ZFHX4: variants seen among roughly 807,000 people sequenced by gnomAD.
The protein encoded by ZFHX4 is zinc finger homeobox 4, also known as zinc finger homeobox protein 4.
In ZFHX4, 56 loss-of-function variants were observed where a neutral mutation model predicts 267.6. The ratio of observed to expected loss-of-function variants is 0.21; its 90% CI spans 0.17 to 0.26. The LOEUF is 0.26. ZFHX4 is among the 10% of genes least tolerant of loss of function. The probability of loss-of-function intolerance (pLI) is 1.00; values close to 1 mark genes in which losing one functional copy is unlikely to be tolerated. For synonymous variants in ZFHX4, 1,778 were observed against 1,665.6 expected (o/e 1.07, Z -1.64); for missense variants, 4,332 against 4,420.0 (o/e 0.98, Z 0.56).
intron 4 of ZFHX4, among the ~76,000 whole-genome samples, chr8:76,812,856 A>T (rs984507091): frequency 7.9e-5 from 12 of 151,062 alleles, no homozygotes; most frequent in East Asian, 1.9e-4. Flanking sequence ...ATAGTTTTTT[A>T]AAAAAATGTA....
chr8:76,742,999 C>G (rs1351999329), intron 3 of ZFHX4, among the ~76,000 whole-genome samples: 1 of 152,178 alleles, frequency 6.6e-6, no homozygotes, highest in Non-Finnish European at 1.5e-5. Context: ...AAGATGATTT[C>G]TTCAAGGACT....
intron 3 of ZFHX4, among the ~76,000 whole-genome samples, chr8:76,750,131 G>A (rs947253729): frequency 6.6e-6 from 1 of 152,112 alleles, no homozygotes; most frequent in Non-Finnish European, 1.5e-5. Flanking sequence ...CAGAGATGCT[G>A]ACCTGTTAGT....
intron 4 of ZFHX4, among the ~76,000 whole-genome samples, chr8:76,833,087 C>A (rs1008298600): frequency 2.0e-5 from 3 of 152,098 alleles, no homozygotes; most frequent in Middle Eastern, 3.2e-3. Context: ...CTTTCCTGCT[C>A]CCATATTTTC....
At chr8:76,834,657 G>A (rs532756129) in intron 5 of ZFHX4, among the ~76,000 whole-genome samples, 2 of 152,150 alleles carry the variant, frequency 1.3e-5, no homozygotes, top group East Asian at 3.9e-4. Context: ...GTCTTTATCA[G>A]ATATGTATTT....
At chr8:76,794,881 G>A (rs1320814905) in intron 4 of ZFHX4, among the ~76,000 whole-genome samples, 1 of 151,510 alleles carries the variant, frequency 6.6e-6, no homozygotes. Flanking sequence ...CATTGTGTGT[G>A]TGTGTGTGTG....
intron 5 of ZFHX4, 66 bp from the exon 6 acceptor site, chr8:76,842,589 A>G: frequency 8.7e-7 from 1 of 1,143,562 alleles, no homozygotes; most frequent in Non-Finnish European, 1.2e-6. Flanking sequence ...GTGGCCACCT[A>G]GTTTATTTCA....
intron 10 of ZFHX4, among the ~76,000 whole-genome samples, chr8:76,857,833 T>G (rs1812772380): frequency 6.8e-6 from 1 of 147,114 alleles, no homozygotes; most frequent in Admixed American, 6.8e-5. Flanking sequence ...AATAATGCAA[T>G]GACAGATTTT....
rs1201275708 is a variant in ZFHX4 at position 76,850,781 on chromosome 8, T to C, written c.3965-105T>C. ...GCTCAGTAAACATTTATTCAAACAATTAATTAAGCAGAAGCCTTTAGAGGC... is the reference window on the plus strand; with the variant it reads ...GCTCAGTAAACATTTATTCAAACAACTAATTAAGCAGAAGCCTTTAGAGGC... On this transcript the variant is annotated intron_variant, in intron 9 of 10. Transcript: ENST00000651372. 2.3e-6 allele frequency: 3 copies of C among 1,293,058 alleles called. No homozygotes were observed. In the African/African-American group the frequency reaches 4.5e-5, roughly 19 times the overall value. The allele number at this position is 1,293,058 out of a possible 1,614,324, so 80.1% of individuals were successfully genotyped here.
chr8:76,769,771 A>C, intron 3 of ZFHX4, among the ~76,000 whole-genome samples: 1 of 152,140 alleles, frequency 6.6e-6, no homozygotes, highest in East Asian at 1.9e-4. Context: ...ACTGACGATA[A>C]GTGCATAGAG....
In ZFHX4 at chr8:76,863,428, C is replaced by A. The variant is rs370139182; in HGVS notation, c.9714C>A (p.Val3238=). The change falls in exon 11 of 11, where the codon GTC becomes GTA. Residue 3238 remains valine (V), a synonymous_variant. Coordinates refer to ENST00000651372, the MANE Select transcript of ZFHX4 (RefSeq NM_024721.5). The part of the protein sequence containing the change: ...VLGKVVGETH[V]DPIQLQALQN... ...GCAAAGTTGTAGGTGAAACACATGT[C>A]GATCCTATTCAGTTGCAGGCATTAC... 2.0e-5 allele frequency: 33 copies of A among 1,613,824 alleles called. No individual in the cohort carries two copies. The highest frequency in any genetic ancestry group is 2.7e-5 in the Non-Finnish European group (32 of 1,179,866).
rs974525410 is a variant in ZFHX4, at chr8:76,767,244, T to C, written c.3094-10964T>C. On this transcript the variant is annotated intron_variant, in intron 3 of 10. Transcript: ENST00000651372. ...GTAAAATAGAGATTGAGATAGGTGG[T>C]ATAAAAGCGCTTTAAACCACCTTGC... Among the ~76,000 whole-genome samples, 5 of 152,266 alleles carry C rather than the reference T, an allele frequency of 3.3e-5. No homozygotes were observed. The South Asian group carries it at 8.3e-4, about 25-fold the overall frequency.
chr8:76,802,312 C>A (rs1418336592), intron 4 of ZFHX4, among the ~76,000 whole-genome samples: 1 of 152,000 alleles, frequency 6.6e-6, no homozygotes, highest in African/African-American at 2.4e-5. Context: ...TTCAATACAC[C>A]GTATAAAGAG....
chr8:76,752,948 G>T (rs774615252), intron 3 of ZFHX4, among the ~76,000 whole-genome samples: 2 of 152,262 alleles, frequency 1.3e-5, no homozygotes, highest in African/African-American at 4.8e-5. Context: ...ACTTGAAAAG[G>T]TTCTGGGTTT....
At chr8:76,808,975 C>G (rs1811311133) in intron 4 of ZFHX4, among the ~76,000 whole-genome samples, 1 of 151,048 alleles carries the variant, frequency 6.6e-6, no homozygotes, top group South Asian at 2.1e-4. Flanking sequence ...CCTTATTTTC[C>G]TTTAATACCA....
Position 76,852,323 on chromosome 8 carries a change from A to T in ZFHX4, c.5402A>T (p.Gln1801Leu). The change falls in exon 10 of 11, where the codon CAA (glutamine) becomes CTA (leucine). Residue 1801 changes from glutamine (Q) to leucine (L), a missense_variant. Gln to Leu is a moderately radical substitution (Grantham distance 113). Around this residue, in one of 7 missense-constraint regions of ZFHX4, gnomAD observed 1,371 missense variants for 1,423.1 expected, o/e 0.96. Transcript: ENST00000651372. Reference sequence around the variant, plus strand: ...CTCCAGATACTACAGCAACAAGCACAACAATACCAAGCCACACAGCCCCAG... The same window carrying T: ...CTCCAGATACTACAGCAACAAGCACTACAATACCAAGCCACACAGCCCCAG... ...TQLQILQQQA[Q>L]QYQATQPQLQ... The T allele has an allele frequency of 6.4e-7, 1 of 1,554,562 alleles. No homozygotes were observed. Among genetic ancestry groups the T allele is most frequent in the Non-Finnish European group, 8.7e-7 (1 of 1,148,428 alleles).
Position 76,865,513 on chromosome 8 carries a change from C to A in ZFHX4, c.*948C>A, listed in dbSNP as rs1396947650. 2.0e-5 allele frequency: 3 copies of A among 151,940 alleles called. No homozygotes were observed. The highest frequency in any genetic ancestry group is 4.4e-5 in the Non-Finnish European group (3 of 67,876). The allele number at this position is 151,940 out of a possible 1,614,324, so 9.4% of individuals were successfully genotyped here. ...TAATAAGATACCTTTTTTTTCCTTTCTTTGTGTGTAGTGCAGCAACAGTTT... is the reference window on the plus strand; with the variant it reads ...TAATAAGATACCTTTTTTTTCCTTTATTTGTGTGTAGTGCAGCAACAGTTT... On this transcript the variant is annotated 3_prime_UTR_variant, in exon 11 of 11. Coordinates refer to ENST00000651372, the MANE Select transcript of ZFHX4 (RefSeq NM_024721.5).
intron 6 of ZFHX4, among the ~76,000 whole-genome samples, chr8:76,844,218 T>A (rs546668033): frequency 6.6e-6 from 1 of 152,126 alleles, no homozygotes; most frequent in Non-Finnish European, 1.5e-5. Flanking sequence ...ATGGACCTTA[T>A]CAAATTAGCT....
At chr8:76,760,774 A>T (rs962912156) in intron 3 of ZFHX4, among the ~76,000 whole-genome samples, 26 of 151,936 alleles carry the variant, frequency 1.7e-4, no homozygotes, top group African/African-American at 6.3e-4. Flanking sequence ...CAAAAAAATT[A>T]AAAAATTAGC....
intron 4 of ZFHX4, among the ~76,000 whole-genome samples, chr8:76,818,102 A>G (rs1170129359): frequency 6.6e-6 from 1 of 152,200 alleles, no homozygotes; most frequent in Non-Finnish European, 1.5e-5. Flanking sequence ...ATTTTGAGGG[A>G]ATTCAAGTTC....
Sources: allele counts gnomAD v4.1 joint callset (sites outside exome capture counted in the v4.1 genomes callset), GRCh38; gene constraint gnomAD v4.1.1; regional missense constraint gnomAD v4.1.1; transcripts MANE v1.5; gene names NCBI Gene and HGNC (gene_info 2026-07-23, HGNC 2026-07-21).